The following SLC4A10 variants were observed in gnomAD, a reference collection of about 807,000 sequenced individuals.
The protein encoded by SLC4A10 is solute carrier family 4 member 10.
SLC4A10 carries 42 observed loss-of-function variants against 137.7 expected under a neutral mutation model. The ratio of observed to expected loss-of-function variants is 0.30; its 90% CI spans 0.24 to 0.39. The LOEUF (loss-of-function observed/expected upper bound fraction) is 0.39, where lower values mean the gene tolerates loss of function less well. Ranked by LOEUF, SLC4A10 falls within the 10% of genes least tolerant of loss-of-function variation. The pLI, the probability that SLC4A10 is intolerant of heterozygous loss-of-function variation, is 1.00. For synonymous variants in SLC4A10, 474 were observed against 464.1 expected (o/e 1.02, Z -0.27); for missense variants, 925 against 1,355.0 (o/e 0.68, Z 4.98).
intron 1 of SLC4A10, among the ~76,000 whole-genome samples, chr2:161,643,331 C>G (rs1432539768): frequency 3.3e-5 from 5 of 152,082 alleles, no homozygotes; most frequent in African/African-American, 1.2e-4. Context: ...TTTGAAAAAG[C>G]ATTACTTTAC....
chr2:161,686,847 C>G (rs1456958134), intron 1 of SLC4A10, among the ~76,000 whole-genome samples: 1 of 151,544 alleles, frequency 6.6e-6, no homozygotes, highest in East Asian at 1.9e-4. Context: ...CTGCTGGTTG[C>G]CCATTTTTTT....
At chr2:161,650,947 C>T (rs1298746684) in intron 1 of SLC4A10, 1 of 152,356 alleles carries the variant, frequency 6.6e-6, no homozygotes, top group African/African-American at 2.4e-5. Flanking sequence ...GGAGAAGCCC[C>T]GCCTTTGAGC....
At chr2:161,902,532 T>C (rs1241852795) in intron 12 of SLC4A10, among the ~76,000 whole-genome samples, 1 of 152,176 alleles carries the variant, frequency 6.6e-6, no homozygotes, top group Non-Finnish European at 1.5e-5. Flanking sequence ...GTGATCTTTA[T>C]GTGTACAAAT....
At chr2:161,931,134 T>C (rs1238209645) in intron 15 of SLC4A10, 3 of 152,216 alleles carry the variant, frequency 2.0e-5, no homozygotes, top group Admixed American at 1.3e-4. Flanking sequence ...TTTCACCATA[T>C]TGGCCAGGCT....
At chr2:161,760,604 T>G (rs1232577138) in intron 1 of SLC4A10, among the ~76,000 whole-genome samples, 1 of 152,104 alleles carries the variant, frequency 6.6e-6, no homozygotes, top group East Asian at 1.9e-4. Context: ...GACTAAACTA[T>G]CACTTTTCCC....
chr2:161,686,888 C>CTT (rs201067216), intron 1 of SLC4A10, among the ~76,000 whole-genome samples: 51 of 143,952 alleles, frequency 3.5e-4, no homozygotes, highest in South Asian at 6.6e-4. Flanking sequence ...CTTTTGTTGT[C>CTT]TTTTTTTTTT....
Position 161,905,776 on chromosome 2 carries a change from C to T in SLC4A10, c.1886C>T (p.Ala629Val). Residue 629 changes from alanine (A) to valine (V), a missense_variant, in exon 15 of 27, where the codon GCT becomes GTT. This residue lies in a region of SLC4A10 where 61 missense variants were observed against 168.0 expected (regional missense o/e 0.36). Transcript: ENST00000446997. ...YITRFTEEAF[A>V]SLICIIFIYE... ...ACTCGGTTTACTGAAGAAGCTTTTG[C>T]TTCCCTGATTTGCATCATTTTCATT... 6.2e-7 allele frequency: 1 copy of T among 1,613,958 alleles called. No homozygotes were observed. Among genetic ancestry groups the T allele is most frequent in the South Asian group, 1.1e-5 (1 of 91,078 alleles).
At chr2:161,667,260 T>A (rs986700354) in intron 1 of SLC4A10, among the ~76,000 whole-genome samples, 1 of 151,690 alleles carries the variant, frequency 6.6e-6, no homozygotes, top group East Asian at 1.9e-4. Context: ...AATTTTATGA[T>A]GTTATTTTAG....
intron 3 of SLC4A10, among the ~76,000 whole-genome samples, chr2:161,822,953 T>C (rs946325125): frequency 6.6e-6 from 1 of 152,108 alleles, no homozygotes; most frequent in Non-Finnish European, 1.5e-5. Context: ...CCAGCCTGGA[T>C]GGCAGAAAGA....
chr2:161,981,970 T>A (rs372831462), intron 26 of SLC4A10, among the ~76,000 whole-genome samples: 1 of 152,084 alleles, frequency 6.6e-6, no homozygotes, highest in Admixed American at 6.5e-5. Context: ...CTAGCTTGAA[T>A]TGGAGGAAAA....
At chr2:161,649,117 C>T (rs923482460) in intron 1 of SLC4A10, among the ~76,000 whole-genome samples, 8 of 152,068 alleles carry the variant, frequency 5.3e-5, no homozygotes, top group Admixed American at 5.2e-4. Context: ...GCCTGTAATC[C>T]CAGCACTTTG....
chr2:161,941,754 C>G (rs769085519), intron 15 of SLC4A10, among the ~76,000 whole-genome samples: 1 of 152,038 alleles, frequency 6.6e-6, no homozygotes, highest in African/African-American at 2.4e-5. Flanking sequence ...TTCTGTTTAA[C>G]CCTTAGGAAC....
At chr2:161,881,878 A>G (rs1294897081) in intron 9 of SLC4A10, among the ~76,000 whole-genome samples, 1 of 151,976 alleles carries the variant, frequency 6.6e-6, no homozygotes, top group African/African-American at 2.4e-5. Flanking sequence ...ATAATTTTTT[A>G]TAATGAAAAT....
At position 161,855,121 on chromosome 2, in the gene SLC4A10, GA is replaced by G; in HGVS notation, c.571del (p.Ile191LeufsTer10). 1 of 1,607,432 alleles carries G rather than the reference GA, an allele frequency of 6.2e-7. No homozygotes were observed. Among genetic ancestry groups the G allele is most frequent in the Non-Finnish European group, 8.5e-7 (1 of 1,176,870 alleles). ...GGACATGCATGCCAACACTTTAGAA[GA>G]AATTGCAGGTATATCTTTTCCCCCT... The part of the protein sequence containing the change: ...LLDMHANTLE[E>X]IADMVLDQQV... On this transcript the variant is annotated frameshift_variant, in exon 5 of 27. Coordinates refer to ENST00000446997, the MANE Select transcript of SLC4A10 (RefSeq NM_001178015.2). LOFTEE classifies it high-confidence loss of function.
chr2:161,766,777 T>A (rs918338306), intron 1 of SLC4A10, among the ~76,000 whole-genome samples: 50 of 152,026 alleles, frequency 3.3e-4, no homozygotes, highest in Non-Finnish European at 6.2e-4. Context: ...CAAGTCATTT[T>A]AAAAACTACT....
intron 2 of SLC4A10, among the ~76,000 whole-genome samples, chr2:161,773,345 A>G (rs1331083432): frequency 6.6e-6 from 1 of 151,818 alleles, no homozygotes; most frequent in Non-Finnish European, 1.5e-5. Context: ...TGCACCAGGG[A>G]TTAAATTTCC....
chr2:161,769,296 T>C (rs771728329), intron 1 of SLC4A10, among the ~76,000 whole-genome samples: 1 of 151,998 alleles, frequency 6.6e-6, no homozygotes, highest in Non-Finnish European at 1.5e-5. Flanking sequence ...TTCCCACATA[T>C]GTTTCCTGTA....
intron 3 of SLC4A10, among the ~76,000 whole-genome samples, chr2:161,820,163 G>A (rs1053863088): frequency 2.0e-5 from 3 of 152,142 alleles, no homozygotes; most frequent in Non-Finnish European, 4.4e-5. Flanking sequence ...TCAGTCTTAG[G>A]TGGTAAATTG....
chr2:161,711,648 A>C (rs1375002225), intron 1 of SLC4A10, among the ~76,000 whole-genome samples: 2 of 151,786 alleles, frequency 1.3e-5, no homozygotes, highest in African/African-American at 4.8e-5. Context: ...AGTGCCTCCA[A>C]AGTGCCTGTT....
Sources: allele counts gnomAD v4.1 joint callset (sites outside exome capture counted in the v4.1 genomes callset), GRCh38; gene constraint gnomAD v4.1.1; regional missense constraint gnomAD v4.1.1; transcripts MANE v1.5; gene names NCBI Gene and HGNC (gene_info 2026-07-23, HGNC 2026-07-21).